ABHD2: variants seen among roughly 807,000 people sequenced by gnomAD.
ABHD2 encodes abhydrolase domain containing 2, acylglycerol lipase, also known as monoacylglycerol lipase ABHD2.
A neutral mutation model predicts 48.1 loss-of-function variants in ABHD2; 20 were observed. That is an observed-to-expected ratio of 0.42 (90% CI 0.29 to 0.60). The LOEUF (loss-of-function observed/expected upper bound fraction) is 0.60. ABHD2 is among the 20% of genes least tolerant of loss of function. The pLI is 0.24. For synonymous variants in ABHD2, 209 were observed against 214.2 expected (o/e 0.98, Z 0.21); for missense variants, 405 against 550.9 (o/e 0.74, Z 2.65).
In ABHD2 at chr15:89,201,907, C is replaced by T; in HGVS notation, c.*6484C>T. On this transcript the variant is annotated 3_prime_UTR_variant, in exon 11 of 11. Coordinates refer to ENST00000352732, the MANE Select transcript of ABHD2 (RefSeq NM_152924.5). ...CGCATCTCTCCTTTTCCTGGTTAGA[C>T]TCTGTTCAACCACATTCTTATGTTG... 3 of 612,396 alleles carry T rather than the reference C, an allele frequency of 4.9e-6. No individual in the cohort carries two copies. Among genetic ancestry groups the T allele is most frequent in the Non-Finnish European group, 8.6e-6 (3 of 348,288 alleles). The allele number at this position is 612,396 out of a possible 1,614,324, so 37.9% of individuals were successfully genotyped here.
Position 89,155,514 on chromosome 15 carries a change from C to T in ABHD2, c.518C>T (p.Ser173Leu), listed in dbSNP as rs776955360. 7 of 1,613,468 alleles carry T rather than the reference C, an allele frequency of 4.3e-6. No individual in the cohort carries two copies. Among genetic ancestry groups the T allele is most frequent in the Non-Finnish European group, 3.4e-6 (4 of 1,179,554 alleles). The change falls in exon 5 of 11, where the codon TCG (serine) becomes TTG (leucine). Residue 173 changes from serine (S) to leucine (L), a missense_variant. By Grantham distance (145) the Ser-to-Leu change is moderately radical. Transcript: ENST00000352732. The surrounding 1 kb of genome is among the most constrained non-coding windows in gnomAD (Gnocchi z 4.9). ...GCCCTGCCCAACATTGAATTGACCT[C>T]GCCACGCATGTTCACCTATGGTAAG... ...LGALPNIELT[S>L]PRMFTYGCTW...
intron 1 of ABHD2, among the ~76,000 whole-genome samples, chr15:89,095,063 CAAAAA>C (rs72090062): frequency 5.6e-5 from 3 of 53,782 alleles, no homozygotes; most frequent in South Asian, 1.4e-3. Flanking sequence ...GACTGTGTCT[CAAAAA>C]AAAAAAAAAA....
rs1295140209 is a variant in ABHD2, at chr15:89,177,356, C to T, written c.722+1361C>T. Among the ~76,000 whole-genome samples the T allele has an allele frequency of 2.0e-5, 3 of 152,126 alleles. No individual in the cohort carries two copies. The highest frequency in any genetic ancestry group is 4.4e-5 in the Non-Finnish European group (3 of 68,030). On this transcript the variant is annotated intron_variant, in intron 6 of 10. Coordinates refer to ENST00000352732, the MANE Select transcript of ABHD2 (RefSeq NM_152924.5). This position sits in a 1 kb window ranked among gnomAD's most constrained non-coding sequence, Gnocchi z 5.6. ...AAATGAAGGAGGTGGGTTCGATCGG[C>T]GGATCACAAAGACCGGTCCAGTGAA...
chr15:89,061,913 A>C, the ABHD2 span, among the ~76,000 whole-genome samples: 1 of 152,176 alleles, frequency 6.6e-6, no homozygotes, highest in South Asian at 2.1e-4. Flanking sequence ...TCCCAGGGCA[A>C]ACATATTAAT....
chr15:89,081,431 G>A, the ABHD2 span, among the ~76,000 whole-genome samples: 80 of 152,164 alleles, frequency 5.3e-4, no homozygotes, highest in African/African-American at 1.9e-3. Flanking sequence ...TGGCCATTAT[G>A]AATAATGCTG....
intron 3 of ABHD2, among the ~76,000 whole-genome samples, chr15:89,140,938 G>A (rs935352992): frequency 4.0e-5 from 6 of 151,712 alleles, no homozygotes. Flanking sequence ...GATGCTCAGG[G>A]CATAACTTTA....
In ABHD2 at chr15:89,089,386, T is replaced by C. The variant is rs186199709; in HGVS notation, c.-107+823T>C. The stretch of plus-strand genomic sequence containing the variant: ...TCCAAGTGGCTGTTGAATTCACCCA[T>C]AATGAATTTTGAGGTTTCAGCTCTC... On this transcript the variant is annotated intron_variant, in intron 1 of 10. Coordinates refer to ENST00000352732, the MANE Select transcript of ABHD2 (RefSeq NM_152924.5). 3.3e-3 allele frequency among the ~76,000 whole-genome samples: 502 copies of C among 152,350 alleles called. 1 individual carries two copies. Among genetic ancestry groups the C allele is most frequent in the African/African-American group, 0.011 (457 of 41,576 alleles).
intron 3 of ABHD2, among the ~76,000 whole-genome samples, chr15:89,141,822 C>CT (rs1296426511): frequency 6.6e-6 from 1 of 152,232 alleles, no homozygotes; most frequent in Admixed American, 6.5e-5. Context: ...TCAGGAATAT[C>CT]TACCAGGGTT....
chr15:89,117,490 T>A (rs1353097367), intron 3 of ABHD2, among the ~76,000 whole-genome samples: 1 of 152,242 alleles, frequency 6.6e-6, no homozygotes, highest in Non-Finnish European at 1.5e-5. Context: ...TGTGTCTTCC[T>A]CCAGGGCTCA....
chr15:89,073,307 G>A, the ABHD2 span, among the ~76,000 whole-genome samples: 1 of 151,998 alleles, frequency 6.6e-6, no homozygotes. Flanking sequence ...TGGGGAATCT[G>A]TAGTTTTTGA....
upstream of ABHD2, chr15:89,088,012 C>A (rs1277807135): frequency 3.3e-5 from 5 of 152,426 alleles, no homozygotes; most frequent in East Asian, 9.7e-4. The surrounding 1 kb of genome is among the most constrained non-coding windows in gnomAD (Gnocchi z 6.8). Flanking sequence ...GAGCTACCAG[C>A]AGCTGAGCTA....
At chr15:89,069,943 G>A in the ABHD2 span, 4 of 152,172 alleles carry the variant, frequency 2.6e-5, no homozygotes, top group African/African-American at 7.2e-5. Context: ...ACCTCCCAAA[G>A]TGCTGGGATT....
Position 89,201,085 on chromosome 15 carries a change from A to G in ABHD2, c.*5662A>G. The G allele has an allele frequency of 1.1e-6, 1 of 945,150 alleles. No individual in the cohort carries two copies. The allele number at this position is 945,150 out of a possible 1,614,324, so 58.5% of individuals were successfully genotyped here. On this transcript the variant is annotated 3_prime_UTR_variant, in exon 11 of 11. Transcript: ENST00000352732. ...CAACAAGAGTGAGACTCCGTCTCCA[A>G]AAAAAGAAAAGGAATCCAGTGAAAA...
Position 89,146,778 on chromosome 15 carries a change from T to A in ABHD2, c.195-4899T>A, listed in dbSNP as rs2050498934. Reference sequence around the variant, plus strand: ...GTAAAACATGAAGAAAGCAATGAAATTTTACTATAGGATTTAATGGAGAGA... The same window carrying A: ...GTAAAACATGAAGAAAGCAATGAAAATTTACTATAGGATTTAATGGAGAGA... On this transcript the variant is annotated intron_variant, in intron 3 of 10. Transcript: ENST00000352732. This position sits in a 1 kb window ranked among gnomAD's most constrained non-coding sequence, Gnocchi z 4.2. Among the ~76,000 whole-genome samples, 1 of 152,142 alleles carries A rather than the reference T, an allele frequency of 6.6e-6. No homozygotes were observed. Among genetic ancestry groups the A allele is most frequent in the Non-Finnish European group, 1.5e-5 (1 of 68,024 alleles).
At chr15:89,051,651 A>G in the ABHD2 span, among the ~76,000 whole-genome samples, 1 of 152,186 alleles carries the variant, frequency 6.6e-6, no homozygotes, top group Non-Finnish European at 1.5e-5. Context: ...TTCTCGTGAT[A>G]GTGAAGAAGT....
the ABHD2 span, among the ~76,000 whole-genome samples, chr15:89,066,279 C>T: frequency 2.0e-5 from 3 of 152,152 alleles, no homozygotes; most frequent in Non-Finnish European, 4.4e-5. Context: ...GGATCCCTTT[C>T]TTGCCTCTCT....
chr15:89,114,488 T>G lies in ABHD2; in HGVS notation c.-7+664T>G, dbSNP rs2049924976. On this transcript the variant is annotated intron_variant, in intron 2 of 10. Coordinates refer to ENST00000352732, the MANE Select transcript of ABHD2 (RefSeq NM_152924.5). The surrounding 1 kb of genome is among the most constrained non-coding windows in gnomAD (Gnocchi z 4.2). Reference sequence around the variant, plus strand: ...TAAGTTTTTTTTGTTTTGTTTTTTGTTTTTGTTTTTTTGAGACGGCGTTTC... The same window carrying G: ...TAAGTTTTTTTTGTTTTGTTTTTTGGTTTTGTTTTTTTGAGACGGCGTTTC... Among the ~76,000 whole-genome samples the G allele has an allele frequency of 6.6e-6, 1 of 152,078 alleles. No individual in the cohort carries two copies. Among genetic ancestry groups the G allele is most frequent in the Non-Finnish European group, 1.5e-5 (1 of 68,020 alleles).
intron 3 of ABHD2, among the ~76,000 whole-genome samples, chr15:89,126,733 A>G (rs1947344199): frequency 6.6e-6 from 1 of 152,186 alleles, no homozygotes; most frequent in Non-Finnish European, 1.5e-5. Flanking sequence ...AGTGATGTGG[A>G]GAGTGAAGAG....
intron 3 of ABHD2, chr15:89,135,801 C>A: frequency 1.3e-6 from 1 of 793,036 alleles, no homozygotes; most frequent in Non-Finnish European, 2.3e-6. Flanking sequence ...TTTGCAACAT[C>A]ATTAGTGGAC....
Sources: allele counts gnomAD v4.1 joint callset (sites outside exome capture counted in the v4.1 genomes callset), GRCh38; gene constraint gnomAD v4.1.1; non-coding constraint Gnocchi (gnomAD v3.1); transcripts MANE v1.5; gene names NCBI Gene and HGNC (gene_info 2026-07-23, HGNC 2026-07-21).